Variants in PHYHIPL observed in about 807,000 individuals in gnomAD.
PHYHIPL encodes the protein phytanoyl-CoA 2-hydroxylase interacting protein like.
Under a neutral mutation model 33.4 loss-of-function variants are expected in PHYHIPL, and 9 were observed. That is an observed-to-expected ratio of 0.27 (90% CI 0.16 to 0.47). The LOEUF (loss-of-function observed/expected upper bound fraction) is 0.47, where lower values mean the gene tolerates loss of function less well. PHYHIPL is among the 20% of genes least tolerant of loss of function. The pLI is 0.99. For missense variants in PHYHIPL, 365 were observed against 460.7 expected (o/e 0.79, Z 1.90); for synonymous variants, 153 against 154.1 (o/e 0.99, Z 0.05).
intron 1 of PHYHIPL, among the ~76,000 whole-genome samples, chr10:59,185,212 G>T (rs796073744): frequency 6.6e-6 from 1 of 151,778 alleles, no homozygotes; most frequent in Non-Finnish European, 1.5e-5. Flanking sequence ...GGATGGTCTC[G>T]ATCTCCTGAC....
In PHYHIPL at chr10:59,212,270, G is replaced by A. The variant is rs117493045; in HGVS notation, c.107-22034G>A. ...CCTCTCTTTCTGTATAAGTTACCCA[G>A]TGTCAGGTATTCTGTTATAAGCAAC... On this transcript the variant is annotated intron_variant, in intron 1 of 4. Coordinates refer to ENST00000373880, the MANE Select transcript of PHYHIPL (RefSeq NM_032439.4). Among the ~76,000 whole-genome samples the A allele has an allele frequency of 9.6e-3, 1,456 of 152,260 alleles. 5 individuals carry two copies. Among genetic ancestry groups the A allele is most frequent in the Admixed American group, 0.021 (316 of 15,286 alleles).
chr10:59,222,534 A>G (rs1839806613), intron 1 of PHYHIPL, among the ~76,000 whole-genome samples: 1 of 152,118 alleles, frequency 6.6e-6, no homozygotes, highest in Non-Finnish European at 1.5e-5. Context: ...TGATTTAGTT[A>G]AAAGAAACAA....
At chr10:59,207,853 T>G (rs1460730155) in intron 1 of PHYHIPL, among the ~76,000 whole-genome samples, 1 of 147,482 alleles carries the variant, frequency 6.8e-6, no homozygotes, top group Non-Finnish European at 1.5e-5. Context: ...GATGCACCAC[T>G]GCACTCCAGC....
At chr10:59,207,370 T>C (rs1839314980) in intron 1 of PHYHIPL, among the ~76,000 whole-genome samples, 1 of 152,132 alleles carries the variant, frequency 6.6e-6, no homozygotes, top group Admixed American at 6.5e-5. Context: ...TGAGGGACTG[T>C]GCCATGAGGA....
intron 1 of PHYHIPL, among the ~76,000 whole-genome samples, chr10:59,187,658 A>G (rs988446325): frequency 3.3e-5 from 5 of 152,160 alleles, no homozygotes; most frequent in Admixed American, 6.5e-5. Flanking sequence ...TTATTGGTCT[A>G]TTCAGAGATT....
intron 4 of PHYHIPL, among the ~76,000 whole-genome samples, chr10:59,243,852 C>T (rs1027381780): frequency 5.3e-5 from 8 of 151,932 alleles, no homozygotes; most frequent in Admixed American, 2.0e-4. Context: ...GTCAGGGTTA[C>T]GGTAACAAAT....
chr10:59,220,564 AAGGTGCT>A (rs1353933628), intron 1 of PHYHIPL, among the ~76,000 whole-genome samples: 1 of 152,128 alleles, frequency 6.6e-6, no homozygotes, highest in African/African-American at 2.4e-5. Flanking sequence ...CTTGAGAAAA[AAGGTGCT>A]AGCCTTAAGT....
At chr10:59,179,098 T>C (rs1249580843) in intron 1 of PHYHIPL, among the ~76,000 whole-genome samples, 1 of 152,204 alleles carries the variant, frequency 6.6e-6, no homozygotes, top group East Asian at 1.9e-4. Context: ...TATCCTATCT[T>C]ACATGTCAAT....
rs779842053 is a variant in PHYHIPL at position 59,176,953 on chromosome 10, C to A, written c.100C>A (p.Arg34=). Residue 34 remains arginine, a synonymous_variant, in exon 1 of 5, where the codon CGG becomes AGG. Transcript: ENST00000373880. ...LSLEAIQLCD[R]DGNKSQDSGI... ...CCTGGAGGCCATTCAGCTGTGCGAC[C>A]GGGACGGTAAGAGCGGCCGGGACCG... 2 of 1,612,940 alleles carry A rather than the reference C, an allele frequency of 1.2e-6. No homozygotes were observed. The highest frequency in any genetic ancestry group is 2.2e-5 in the South Asian group (2 of 90,938).
chr10:59,218,176 A>G (rs536494687), intron 1 of PHYHIPL, among the ~76,000 whole-genome samples: 1 of 152,252 alleles, frequency 6.6e-6, no homozygotes, highest in South Asian at 2.1e-4. Flanking sequence ...TCCAGGTTGT[A>G]TAGTACCTGA....
chr10:59,209,881 A>G (rs2133236113), intron 1 of PHYHIPL, among the ~76,000 whole-genome samples: 1 of 152,322 alleles, frequency 6.6e-6, no homozygotes, highest in Non-Finnish European at 1.5e-5. Context: ...GAAAACTGAA[A>G]CTGGACCCCT....
chr10:59,178,022 C>T (rs1221079314), intron 1 of PHYHIPL, among the ~76,000 whole-genome samples: 1 of 152,112 alleles, frequency 6.6e-6, no homozygotes, highest in Admixed American at 6.5e-5. Flanking sequence ...TACTAATACG[C>T]TCACAGTAAG....
chr10:59,182,384 C>T (rs770577226), intron 1 of PHYHIPL, among the ~76,000 whole-genome samples: 3 of 151,996 alleles, frequency 2.0e-5, no homozygotes, highest in African/African-American at 7.3e-5. Context: ...GCTCTTTCAC[C>T]CAGGCTGGAA....
intron 4 of PHYHIPL, among the ~76,000 whole-genome samples, chr10:59,240,304 T>A (rs1840353946): frequency 6.6e-6 from 1 of 151,980 alleles, no homozygotes; most frequent in African/African-American, 2.4e-5. Context: ...AGGTGTTTCT[T>A]TATACAGATG....
Position 59,214,110 on chromosome 10 carries a change from T to C in PHYHIPL, c.107-20194T>C, listed in dbSNP as rs544732829. ...AGAAAAAAAATTTAATTGAAATTGA[T>C]AAATGAATTTCTATTCCATACTATA... On this transcript the variant is annotated intron_variant, in intron 1 of 4. Transcript: ENST00000373880. Among the ~76,000 whole-genome samples the C allele has an allele frequency of 3.9e-4, 60 of 152,292 alleles. No individual in the cohort carries two copies. The Middle Eastern group carries it at 0.014, about 35-fold the overall frequency.
chr10:59,195,068 A>G lies in PHYHIPL; in HGVS notation c.106+18109A>G, dbSNP rs1589264766. On this transcript the variant is annotated intron_variant, in intron 1 of 4. Transcript: ENST00000373880. Reference sequence around the variant, plus strand: ...GAATATAAGAAAACAGAAAGGGGGAAAGGATTTGTTAAAAGTGTTTTACAA... The same window carrying G: ...GAATATAAGAAAACAGAAAGGGGGAGAGGATTTGTTAAAAGTGTTTTACAA... Among the ~76,000 whole-genome samples the G allele has an allele frequency of 2.0e-5, 3 of 152,316 alleles. No homozygotes were observed. The East Asian group carries it at 5.8e-4, about 29-fold the overall frequency.
intron 1 of PHYHIPL, among the ~76,000 whole-genome samples, chr10:59,188,088 C>G (rs1838667477): frequency 6.6e-6 from 1 of 152,136 alleles, no homozygotes; most frequent in South Asian, 2.1e-4. Flanking sequence ...TTCCTGCTTT[C>G]TCTTGTGGGC....
chr10:59,176,664 C>G lies in PHYHIPL; in HGVS notation c.-190C>G. The G allele has an allele frequency of 1.8e-6, 1 of 561,890 alleles. No homozygotes were observed. Among genetic ancestry groups the G allele is most frequent in the Non-Finnish European group, 3.1e-6 (1 of 318,406 alleles). 34.8% of individuals were successfully genotyped at this position (561,890 alleles called of 1,614,324 possible). A position where few individuals can be genotyped will look rare whatever the true frequency, so the allele number is the denominator to read the frequency against. Reference sequence around the variant, plus strand: ...TCTCAGAGCCGCACACTCCGCGGAGCTCCTGCCACAGCCGTCGCCTTCGCG... The same window carrying G: ...TCTCAGAGCCGCACACTCCGCGGAGGTCCTGCCACAGCCGTCGCCTTCGCG... On this transcript the variant is annotated 5_prime_UTR_variant, in exon 1 of 5. Coordinates refer to ENST00000373880, the MANE Select transcript of PHYHIPL (RefSeq NM_032439.4).
chr10:59,243,921 C>T (rs1201096023), intron 4 of PHYHIPL, among the ~76,000 whole-genome samples: 1 of 152,122 alleles, frequency 6.6e-6, no homozygotes, highest in Non-Finnish European at 1.5e-5. Context: ...TTTTACTCTT[C>T]ATGGGAATGA....
Sources: allele counts gnomAD v4.1 joint callset (sites outside exome capture counted in the v4.1 genomes callset), GRCh38; gene constraint gnomAD v4.1.1; transcripts MANE v1.5; gene names NCBI Gene and HGNC (gene_info 2026-07-23, HGNC 2026-07-21).